GRB14: variants seen among roughly 807,000 people sequenced by gnomAD.
GRB14 encodes growth factor receptor bound protein 14, also known as growth factor receptor-bound protein 14.
GRB14 carries 38 observed loss-of-function variants against 69.1 expected under a neutral mutation model. The observed-to-expected ratio is 0.55, with a 90% CI of 0.42 to 0.72. The LOEUF (loss-of-function observed/expected upper bound fraction) is 0.72. Among genes scored for constraint, GRB14 ranks in the 30% least tolerant of loss-of-function variants. The pLI, the probability that GRB14 is intolerant of heterozygous loss-of-function variation, is 0.00. For synonymous variants in GRB14, 247 were observed against 241.3 expected (o/e 1.02, Z -0.22); for missense variants, 666 against 666.1 (o/e 1.00, Z 0.00).
rs1165664115 is a variant in GRB14 at position 164,621,092 on chromosome 2, T to TC, written c.191+26dup. On this transcript the variant is annotated intron_variant, in intron 1 of 13. Transcript: ENST00000263915. The surrounding 1 kb of genome is among the most constrained non-coding windows in gnomAD (Gnocchi z 6.0). Reference sequence around the variant, plus strand: ...CTCGCCGGCTGCCCAGCCAGGACACTCCCCCGCGCCCTCCAGGGTTGCCTA... The same window carrying TC: ...CTCGCCGGCTGCCCAGCCAGGACACTCCCCCCGCGCCCTCCAGGGTTGCCTA... 8.0e-7 allele frequency: 1 copy of TC among 1,245,134 alleles called. No homozygotes were observed. The highest frequency in any genetic ancestry group is 1.0e-6 in the Non-Finnish European group (1 of 987,896). The allele number at this position is 1,245,134 out of a possible 1,614,324, so 77.1% of individuals were successfully genotyped here. A position where few individuals can be genotyped will look rare whatever the true frequency, so the allele number is the denominator to read the frequency against.
At chr2:164,536,645 A>C (rs183759808) in intron 3 of GRB14, among the ~76,000 whole-genome samples, 1 of 152,180 alleles carries the variant, frequency 6.6e-6, no homozygotes, top group Non-Finnish European at 1.5e-5. Context: ...ATTTTATTCA[A>C]TCGTCACCAC....
chr2:164,603,456 G>A (rs1157434275), intron 2 of GRB14, among the ~76,000 whole-genome samples: 2 of 152,082 alleles, frequency 1.3e-5, no homozygotes, highest in Admixed American at 1.3e-4. Context: ...CTGAGGTCAG[G>A]AGTTCGAGAC....
In GRB14 at chr2:164,577,845, A is replaced by G. The variant is rs146517113; in HGVS notation, c.325-30029T>C. Among the ~76,000 whole-genome samples, 50 of 152,348 alleles carry G rather than the reference A, an allele frequency of 3.3e-4. 1 individual carries two copies. In the East Asian group the frequency reaches 9.4e-3, roughly 29 times the overall value. On this transcript the variant is annotated intron_variant, in intron 2 of 13. Coordinates refer to ENST00000263915, the MANE Select transcript of GRB14 (RefSeq NM_004490.3). Reference sequence around the variant, plus strand: ...AAACAAAATATAGATTTTTTTACCTAACACCATACTCTAAAATAGACTGTA... The same window carrying G: ...AAACAAAATATAGATTTTTTTACCTGACACCATACTCTAAAATAGACTGTA...
chr2:164,553,386 C>T (rs1271178766), intron 2 of GRB14, among the ~76,000 whole-genome samples: 1 of 152,114 alleles, frequency 6.6e-6, no homozygotes, highest in Non-Finnish European at 1.5e-5. Context: ...GGAATAAGTG[C>T]ATATATTTCA....
chr2:164,580,434 G>T (rs1689373010), intron 2 of GRB14, among the ~76,000 whole-genome samples: 3 of 151,392 alleles, frequency 2.0e-5, no homozygotes, highest in African/African-American at 7.3e-5. Flanking sequence ...GCTGGGCGCG[G>T]TGGCTCATGC....
chr2:164,502,608 C>G (rs1004211240), intron 8 of GRB14, among the ~76,000 whole-genome samples: 2 of 151,452 alleles, frequency 1.3e-5, no homozygotes, highest in Non-Finnish European at 2.9e-5. Context: ...TTCTTAGCAC[C>G]AAATTGTACC....
At chr2:164,557,024 G>A (rs1482144756) in intron 2 of GRB14, among the ~76,000 whole-genome samples, 1 of 152,146 alleles carries the variant, frequency 6.6e-6, no homozygotes, top group African/African-American at 2.4e-5. Flanking sequence ...GAAAATTTAG[G>A]CAAATTTTCA....
chr2:164,509,803 A>AC (rs943866335), intron 6 of GRB14, among the ~76,000 whole-genome samples: 7 of 151,030 alleles, frequency 4.6e-5, no homozygotes, highest in South Asian at 2.1e-4. Context: ...AAAAAAAAAA[A>AC]AAAAAAAAAA....
At chr2:164,519,473 G>A (rs772490212) in intron 6 of GRB14, among the ~76,000 whole-genome samples, 3 of 151,840 alleles carry the variant, frequency 2.0e-5, no homozygotes, top group South Asian at 2.1e-4. Context: ...CACTCTCACC[G>A]GTTCTATTCA....
At chr2:164,539,515 CA>C (rs1400568728) in intron 3 of GRB14, among the ~76,000 whole-genome samples, 2 of 152,122 alleles carry the variant, frequency 1.3e-5, no homozygotes, top group East Asian at 3.9e-4. Flanking sequence ...TCCTTTGCCA[CA>C]GAAAATTTAA....
At chr2:164,534,923 T>C (rs1158375052) in intron 3 of GRB14, among the ~76,000 whole-genome samples, 1 of 152,214 alleles carries the variant, frequency 6.6e-6, no homozygotes. Context: ...TAAAATACTA[T>C]AATAAAACAT....
chr2:164,552,333 T>C (rs191934452), intron 2 of GRB14, among the ~76,000 whole-genome samples: 138 of 152,314 alleles, frequency 9.1e-4, no homozygotes, highest in Non-Finnish European at 1.4e-3. Context: ...ATACATGACT[T>C]AATACAGATA....
At position 164,509,792 on chromosome 2, in the gene GRB14, GA is replaced by G. The variant is rs10675642; in HGVS notation, c.817-941del. Among the ~76,000 whole-genome samples the G allele has an allele frequency of 9.1e-3, 782 of 86,206 alleles. 3 individuals are homozygous for G. The highest frequency in any genetic ancestry group is 0.02 in the South Asian group (40 of 1,980). The allele number at this position is 86,206 out of a possible 152,430, so 56.6% of individuals were successfully genotyped here. ...AAGCAGTAAAATTTGAGAAGCAGTG[GA>G]AAAAAAAAAAAAAAAAAAAACACCC... On this transcript the variant is annotated intron_variant, in intron 6 of 13. Coordinates refer to ENST00000263915, the MANE Select transcript of GRB14 (RefSeq NM_004490.3).
In GRB14 at chr2:164,497,273, C is replaced by T; in HGVS notation, c.1232G>A (p.Cys411Tyr). 1.9e-6 allele frequency: 3 copies of T among 1,613,018 alleles called. No individual in the cohort carries two copies. The highest frequency in any genetic ancestry group is 2.2e-5 in the South Asian group (2 of 90,864). ...GCTACCGTGAGTGCCCAGGCGTAAA[C>T]ATCCTTTTTTCTGAGCAAGGAAGGA... ...EEGLAWRKKG[C>Y]LRLGTHGSPT... is the part of the protein sequence containing the mutation. The change falls in exon 11 of 14, where the codon TGT (cysteine) becomes TAT (tyrosine). Residue 411 changes from cysteine (C) to tyrosine (Y), a missense_variant. Coordinates refer to ENST00000263915, the MANE Select transcript of GRB14 (RefSeq NM_004490.3).
intron 2 of GRB14, among the ~76,000 whole-genome samples, chr2:164,578,726 T>C (rs955151390): frequency 3.3e-5 from 5 of 152,106 alleles, no homozygotes; most frequent in Non-Finnish European, 7.4e-5. Flanking sequence ...ATAAAAAGCA[T>C]ATAGATGGGA....
chr2:164,601,171 C>A (rs1257411817), intron 2 of GRB14, among the ~76,000 whole-genome samples: 1 of 152,058 alleles, frequency 6.6e-6, no homozygotes, highest in Non-Finnish European at 1.5e-5. Context: ...ACATCCTGAT[C>A]TTAGAATGAT....
chr2:164,514,912 G>C (rs533546032), intron 6 of GRB14, among the ~76,000 whole-genome samples: 1 of 152,242 alleles, frequency 6.6e-6, no homozygotes, highest in Non-Finnish European at 1.5e-5. Flanking sequence ...CTGCACAGGA[G>C]CTGCGTGAGG....
Position 164,550,285 on chromosome 2 carries a change from G to T in GRB14, c.325-2469C>A, listed in dbSNP as rs576945430. On this transcript the variant is annotated intron_variant, in intron 2 of 13. Transcript: ENST00000263915. The stretch of plus-strand genomic sequence containing the variant: ...CTACAAAGGCCTAGAGGAAAGGAAA[G>T]CCATAAGACAGAATGAGCCTTTGTT... Among the ~76,000 whole-genome samples, 11 of 152,282 alleles carry T rather than the reference G, an allele frequency of 7.2e-5. No individual in the cohort carries two copies. The South Asian group carries it at 2.3e-3, about 32-fold the overall frequency.
At chr2:164,597,472 T>C (rs777664388) in intron 2 of GRB14, among the ~76,000 whole-genome samples, 1 of 152,184 alleles carries the variant, frequency 6.6e-6, no homozygotes, top group African/African-American at 2.4e-5. Flanking sequence ...ACACTTACAA[T>C]TTGTCTTATT....
Sources: allele counts gnomAD v4.1 joint callset (sites outside exome capture counted in the v4.1 genomes callset), GRCh38; gene constraint gnomAD v4.1.1; non-coding constraint Gnocchi (gnomAD v3.1); transcripts MANE v1.5; gene names NCBI Gene and HGNC (gene_info 2026-07-23, HGNC 2026-07-21).